The following KIF6 variants were observed in gnomAD, a reference collection of about 807,000 sequenced individuals.
KIF6 encodes the protein kinesin family member 6.
Under a neutral mutation model 112.7 loss-of-function variants are expected in KIF6, and 106 were observed. That is an observed-to-expected ratio of 0.94 (90% CI 0.80 to 1.11). The LOEUF is 1.11. KIF6 is among the 50% of genes least tolerant of loss of function. The probability of loss-of-function intolerance (pLI) is 0.00; values close to 1 mark genes in which losing one functional copy is unlikely to be tolerated. For missense variants in KIF6, 929 were observed against 964.0 expected (o/e 0.96, Z 0.48); for synonymous variants, 339 against 339.9 (o/e 1.00, Z 0.03).
chr6:39,360,426 A>T lies in KIF6; in HGVS notation c.2051T>A (p.Val684Asp). 6.2e-7 allele frequency: 1 copy of T among 1,614,122 alleles called. No individual in the cohort carries two copies. The highest frequency in any genetic ancestry group is 1.3e-5 in the African/African-American group (1 of 75,034). ...AKVKLQKEFE[V>D]WWAEEATNLQ... ...GTTGGTGGCCTCCTCTGCCCACCAGACTTCAAACTCTTTCTGTAGCTTCAC... is the reference window on the plus strand; with the variant it reads ...GTTGGTGGCCTCCTCTGCCCACCAGTCTTCAAACTCTTTCTGTAGCTTCAC... The change falls in exon 18 of 23, where the codon GTC (valine) becomes GAC (aspartate). Residue 684 changes from valine to aspartate, a missense_variant. Coordinates refer to ENST00000287152, the MANE Select transcript of KIF6 (RefSeq NM_145027.6).
chr6:39,693,566 G>A (rs1033605122), intron 3 of KIF6, among the ~76,000 whole-genome samples: 1 of 151,944 alleles, frequency 6.6e-6, no homozygotes, highest in Non-Finnish European at 1.5e-5. Context: ...AGAAAATCTA[G>A]AGAAAATAGA....
chr6:39,685,965 G>A (rs1272762122), intron 3 of KIF6, among the ~76,000 whole-genome samples: 1 of 152,190 alleles, frequency 6.6e-6, no homozygotes, highest in African/African-American at 2.4e-5. Context: ...AAAATCTGCT[G>A]CATAAATCTA....
At chr6:39,487,441 C>T (rs1013765651) in intron 13 of KIF6, among the ~76,000 whole-genome samples, 1 of 152,156 alleles carries the variant, frequency 6.6e-6, no homozygotes, top group African/African-American at 2.4e-5. Context: ...TAACATGGGC[C>T]AGCTCTGGAA....
intron 13 of KIF6, among the ~76,000 whole-genome samples, chr6:39,465,342 A>T (rs1302284849): frequency 2.0e-5 from 3 of 152,220 alleles, no homozygotes; most frequent in Admixed American, 2.0e-4. Context: ...TAATGACGTT[A>T]TTATCAAGAG....
chr6:39,444,089 T>G (rs1303303241), intron 13 of KIF6, among the ~76,000 whole-genome samples: 1 of 152,224 alleles, frequency 6.6e-6, no homozygotes, highest in East Asian at 1.9e-4. Flanking sequence ...TATTTAATTC[T>G]TACAATAACC....
intron 13 of KIF6, among the ~76,000 whole-genome samples, chr6:39,488,079 T>A (rs1356177166): frequency 6.6e-6 from 1 of 152,052 alleles, no homozygotes; most frequent in Admixed American, 6.6e-5. Flanking sequence ...TTATACATAA[T>A]GTCCTCTAAT....
intron 7 of KIF6, among the ~76,000 whole-genome samples, chr6:39,592,142 G>C (rs1359766659): frequency 1.3e-5 from 2 of 149,942 alleles, no homozygotes; most frequent in Non-Finnish European, 3.0e-5. Context: ...AAACAAACCT[G>C]ACTTTTTTTA....
chr6:39,722,716 G>A (rs893812390), intron 1 of KIF6, among the ~76,000 whole-genome samples: 5 of 152,096 alleles, frequency 3.3e-5, no homozygotes, highest in East Asian at 1.9e-4. Flanking sequence ...AATCTTTTGC[G>A]GACAAGAAGA....
rs139265692 is a variant in KIF6, at chr6:39,464,040, T to C, written c.1646-32879A>G. Among the ~76,000 whole-genome samples, 587 of 152,342 alleles carry C rather than the reference T, an allele frequency of 3.9e-3. 1 individual carries two copies. The highest frequency in any genetic ancestry group is 0.013 in the African/African-American group (558 of 41,578). On this transcript the variant is annotated intron_variant, in intron 13 of 22. Transcript: ENST00000287152. Reference sequence around the variant, plus strand: ...GAGAGTTTGTGGCTGATCATATTTATGTTTCTGCTACATGTGTGTTATGGT... The same window carrying C: ...GAGAGTTTGTGGCTGATCATATTTACGTTTCTGCTACATGTGTGTTATGGT...
At chr6:39,574,883 A>G (rs1430469697) in intron 10 of KIF6, among the ~76,000 whole-genome samples, 1 of 152,158 alleles carries the variant, frequency 6.6e-6, no homozygotes, top group Non-Finnish European at 1.5e-5. Context: ...TGATCTTCCT[A>G]GCTCACCAAT....
intron 3 of KIF6, among the ~76,000 whole-genome samples, chr6:39,649,721 TAAAG>T (rs78847578): frequency 0.13 from 7,604 of 59,212 alleles, 209 homozygotes; most frequent in South Asian, 0.18. Context: ...ACACTCTGAT[TAAAG>T]AAAGAAAGAA....
intron 14 of KIF6, among the ~76,000 whole-genome samples, chr6:39,421,995 T>A (rs1392355541): frequency 1.3e-5 from 2 of 152,248 alleles, no homozygotes; most frequent in East Asian, 3.9e-4. Context: ...GCTCTGTCCA[T>A]CCCTAGTACC....
At chr6:39,542,538 T>C (rs945690432) in intron 12 of KIF6, among the ~76,000 whole-genome samples, 4 of 152,344 alleles carry the variant, frequency 2.6e-5, no homozygotes, top group Middle Eastern at 6.8e-3. Context: ...ATTTGTTGTG[T>C]CACAGTCTTA....
At chr6:39,721,293 C>A (rs528027710) in intron 1 of KIF6, among the ~76,000 whole-genome samples, 121 of 152,172 alleles carry the variant, frequency 8.0e-4, no homozygotes, top group Non-Finnish European at 1.3e-3. Flanking sequence ...TCAAAGAAGC[C>A]TAAGGTTCCA....
At chr6:39,409,617 T>G (rs1769337003) in intron 15 of KIF6, among the ~76,000 whole-genome samples, 1 of 152,216 alleles carries the variant, frequency 6.6e-6, no homozygotes. Context: ...TAGGCTGGCT[T>G]CAATAAGTTC....
In KIF6 at chr6:39,599,455, C is replaced by T. The variant is rs954268676; in HGVS notation, c.640-3195G>A. On this transcript the variant is annotated intron_variant, in intron 6 of 22. Coordinates refer to ENST00000287152, the MANE Select transcript of KIF6 (RefSeq NM_145027.6). Reference sequence around the variant, plus strand: ...AAATAAAAAGATGTCAAAATGCTGGCATAGTTTTGGTGATGATGATGTAGC... The same window carrying T: ...AAATAAAAAGATGTCAAAATGCTGGTATAGTTTTGGTGATGATGATGTAGC... 2.0e-5 allele frequency among the ~76,000 whole-genome samples: 3 copies of T among 152,302 alleles called. No homozygotes were observed. In the East Asian group the frequency reaches 5.8e-4, roughly 29 times the overall value.
At chr6:39,428,776 A>G (rs967932991) in intron 14 of KIF6, among the ~76,000 whole-genome samples, 1 of 152,156 alleles carries the variant, frequency 6.6e-6, no homozygotes, top group African/African-American at 2.4e-5. Flanking sequence ...ACTCAGTGCT[A>G]TGCTTTTAAG....
At chr6:39,600,605 C>T (rs1782517801) in intron 6 of KIF6, among the ~76,000 whole-genome samples, 2 of 152,154 alleles carry the variant, frequency 1.3e-5, no homozygotes, top group Non-Finnish European at 2.9e-5. Context: ...ACCTGGTTTC[C>T]AGTGCCAAAT....
intron 21 of KIF6, among the ~76,000 whole-genome samples, chr6:39,344,728 T>C (rs1763577001): frequency 6.6e-6 from 1 of 152,182 alleles, no homozygotes; most frequent in Non-Finnish European, 1.5e-5. Context: ...TTAGATGTCA[T>C]ATCATTCAGT....
Sources: gnomAD v4.1 joint callset for allele counts (sites outside exome capture counted in the v4.1 genomes callset) on GRCh38, gnomAD v4.1.1 for gene constraint, MANE v1.5 for transcripts, NCBI Gene and HGNC (gene_info 2026-07-23, HGNC 2026-07-21) for gene names.